Variants in CAST observed in about 807,000 individuals in gnomAD.
CAST encodes MIR583 host.
In CAST, 76 loss-of-function variants were observed where a neutral mutation model predicts 119.6. The ratio of observed to expected loss-of-function variants is 0.64; its 90% CI spans 0.53 to 0.77. The LOEUF (loss-of-function observed/expected upper bound fraction) is 0.77. Among genes scored for constraint, CAST ranks in the 30% least tolerant of loss-of-function variants. The pLI, the probability that CAST is intolerant of heterozygous loss-of-function variation, is 0.00. For missense variants in CAST, 953 were observed against 946.5 expected (o/e 1.01, Z -0.09); for synonymous variants, 319 against 331.6 (o/e 0.96, Z 0.41).
At chr5:96,457,663 T>C in the CAST span, among the ~76,000 whole-genome samples, 1 of 152,362 alleles carries the variant, frequency 6.6e-6, no homozygotes, top group Non-Finnish European at 1.5e-5. Context: ...AGCAAATCTC[T>C]TGGCATTCTT....
chr5:96,505,962 T>A, the CAST span, among the ~76,000 whole-genome samples: 1 of 152,236 alleles, frequency 6.6e-6, no homozygotes, highest in African/African-American at 2.4e-5. Context: ...AACTCTGCCC[T>A]GGTGGTTTGG....
the CAST span, among the ~76,000 whole-genome samples, chr5:96,172,638 A>G: frequency 6.6e-6 from 1 of 152,268 alleles, no homozygotes; most frequent in Non-Finnish European, 1.5e-5. Flanking sequence ...ATATTTCAGA[A>G]TAAATTAAAA....
rs1243139244 is a variant in CAST, at chr5:96,772,952, A to G, written c.*336A>G. On this transcript the variant is annotated 3_prime_UTR_variant, in exon 32 of 32. Coordinates refer to ENST00000675179, the MANE Select transcript of CAST (RefSeq NM_001750.7). ...AAAAAAACAAAAGAAAAGCTAAGTG[A>G]ATTTTTGCACATTCTACACACAGTG... 2 of 153,868 alleles carry G rather than the reference A, an allele frequency of 1.3e-5. No homozygotes were observed. Among genetic ancestry groups the G allele is most frequent in the African/African-American group, 4.8e-5 (2 of 41,446 alleles). The allele number at this position is 153,868 out of a possible 1,614,324, so 9.5% of individuals were successfully genotyped here. A position where few individuals can be genotyped will look rare whatever the true frequency, so the allele number is the denominator to read the frequency against.
chr5:96,239,877 C>T, the CAST span, among the ~76,000 whole-genome samples: 5 of 151,814 alleles, frequency 3.3e-5, no homozygotes, highest in African/African-American at 1.2e-4. Flanking sequence ...ATTCTAGATA[C>T]GTGTTATAAT....
chr5:96,125,806 C>G, the CAST span, among the ~76,000 whole-genome samples: 1 of 152,078 alleles, frequency 6.6e-6, no homozygotes, highest in African/African-American at 2.4e-5. Flanking sequence ...TCAGTCTGCT[C>G]CCACAGACTT....
chr5:96,502,288 G>A, the CAST span, among the ~76,000 whole-genome samples: 1 of 152,030 alleles, frequency 6.6e-6, no homozygotes, highest in Non-Finnish European at 1.5e-5. Flanking sequence ...ATCTTGACGT[G>A]TATTGTCATT....
At chr5:96,302,116 G>C in the CAST span, among the ~76,000 whole-genome samples, 1,943 of 152,252 alleles carry the variant, frequency 0.013, 10 homozygotes, top group Non-Finnish European at 0.019. Flanking sequence ...TTATGCACTT[G>C]CAGGCTTAAT....
the CAST span, among the ~76,000 whole-genome samples, chr5:96,387,499 G>T: frequency 6.6e-6 from 1 of 151,906 alleles, no homozygotes. Context: ...ATTCTCTCTG[G>T]CAAGAGAATT....
chr5:96,295,712 A>G, the CAST span, among the ~76,000 whole-genome samples: 1 of 152,288 alleles, frequency 6.6e-6, no homozygotes, highest in African/African-American at 2.4e-5. Flanking sequence ...CATAATGGAG[A>G]TTGAAAAAAA....
intron 1 of CAST, chr5:96,584,720 G>A (rs1395533486): frequency 1.3e-5 from 2 of 152,146 alleles, no homozygotes; most frequent in African/African-American, 4.8e-5. Flanking sequence ...TTTAGAGGAG[G>A]AGTCTTTTCA....
chr5:96,414,820 A>T, the CAST span, among the ~76,000 whole-genome samples: 40 of 152,228 alleles, frequency 2.6e-4, 1 homozygote, highest in South Asian at 2.9e-3. Context: ...CATTTTTTTT[A>T]AAAATTAACA....
At chr5:96,377,023 AAAAT>A in the CAST span, among the ~76,000 whole-genome samples, 1 of 151,756 alleles carries the variant, frequency 6.6e-6, no homozygotes, top group Non-Finnish European at 1.5e-5. Context: ...AAAGTAAAAC[AAAAT>A]AAATAAAATA....
chr5:96,295,563 T>A, the CAST span, among the ~76,000 whole-genome samples: 11 of 152,342 alleles, frequency 7.2e-5, no homozygotes, highest in South Asian at 2.3e-3. Context: ...AAATCTTTAC[T>A]AACTTAGTCA....
rs1305941593 is a variant in CAST, at chr5:96,774,038, T to G, written c.*1422T>G. On this transcript the variant is annotated 3_prime_UTR_variant, in exon 32 of 32. Coordinates refer to ENST00000675179, the MANE Select transcript of CAST (RefSeq NM_001750.7). ...ACCAGCTTAAAATGCTATGTCTCTA[T>G]CCATCAGAAATAGTCATTATTCTAT... 6.6e-6 allele frequency: 1 copy of G among 152,372 alleles called. No individual in the cohort carries two copies. Among genetic ancestry groups the G allele is most frequent in the Admixed American group, 6.5e-5 (1 of 15,278 alleles). 9.4% of individuals were successfully genotyped at this position (152,372 alleles called of 1,614,324 possible).
the CAST span, among the ~76,000 whole-genome samples, chr5:96,309,287 G>T: frequency 2.7e-3 from 409 of 152,334 alleles, 1 homozygote; most frequent in Non-Finnish European, 4.2e-3. Flanking sequence ...CTCAGCAATG[G>T]TGGATACCCT....
At chr5:96,282,619 A>G in the CAST span, among the ~76,000 whole-genome samples, 2 of 152,204 alleles carry the variant, frequency 1.3e-5, no homozygotes, top group Non-Finnish European at 2.9e-5. Context: ...AAATATTCAT[A>G]AACACCATAA....
intron 2 of CAST, among the ~76,000 whole-genome samples, chr5:96,686,473 T>A (rs2150280365): frequency 6.6e-6 from 1 of 152,012 alleles, no homozygotes; most frequent in South Asian, 2.1e-4. Context: ...CTGTCATCAG[T>A]GTGGGGGGTG....
intron 1 of CAST, among the ~76,000 whole-genome samples, chr5:96,597,977 C>T (rs1747084012): frequency 6.6e-6 from 1 of 152,012 alleles, no homozygotes; most frequent in African/African-American, 2.4e-5. Context: ...AGGGGGCTGG[C>T]AGTAGTGAAG....
At chr5:96,638,568 G>A (rs1027672522) in intron 1 of CAST, among the ~76,000 whole-genome samples, 1 of 152,170 alleles carries the variant, frequency 6.6e-6, no homozygotes, top group Non-Finnish European at 1.5e-5. Flanking sequence ...TTGTGCCAGT[G>A]CATGCAAGGT....
Sources: allele counts gnomAD v4.1 joint callset (sites outside exome capture counted in the v4.1 genomes callset), GRCh38; gene constraint gnomAD v4.1.1; transcripts MANE v1.5; gene names NCBI Gene and HGNC (gene_info 2026-07-23, HGNC 2026-07-21).